Variants in KCNIP3 observed in about 807,000 individuals in gnomAD.
The protein encoded by KCNIP3 is calsenilin.
A neutral mutation model predicts 35.0 loss-of-function variants in KCNIP3; 28 were observed. The ratio of observed to expected loss-of-function variants is 0.80; its 90% CI spans 0.59 to 1.10. The LOEUF is 1.10. Among genes scored for constraint, KCNIP3 ranks in the 50% least tolerant of loss-of-function variants. The pLI is 0.00. For missense variants in KCNIP3, 295 were observed against 338.4 expected, an observed-to-expected ratio of 0.87 and a Z score of 1.01; for synonymous variants, 134 against 133.8, an observed-to-expected ratio of 1.00 and a Z score of -0.01.
At chr2:95,369,197 T>C (rs1158577981) in intron 2 of KCNIP3, among the ~76,000 whole-genome samples, 1 of 152,248 alleles carries the variant, frequency 6.6e-6, no homozygotes, top group Non-Finnish European at 1.5e-5. Flanking sequence ...CAAATGCTTT[T>C]TCTGCATCAA....
intron 2 of KCNIP3, among the ~76,000 whole-genome samples, chr2:95,366,489 C>T (rs1433375368): frequency 2.0e-5 from 3 of 152,104 alleles, no homozygotes; most frequent in Non-Finnish European, 4.4e-5. Flanking sequence ...TAAAATTGCT[C>T]TAAACATTTG....
intron 2 of KCNIP3, among the ~76,000 whole-genome samples, chr2:95,370,367 T>C (rs1345280797): frequency 2.6e-5 from 4 of 152,268 alleles, no homozygotes; most frequent in Non-Finnish European, 5.9e-5. Context: ...GTCTAGAGCA[T>C]GCGCTTACTC....
At position 95,378,032 on chromosome 2, in the gene KCNIP3, C is replaced by T. The variant is rs1414310033; in HGVS notation, c.447+2824C>T. Among the ~76,000 whole-genome samples the T allele has an allele frequency of 6.6e-6, 1 of 152,266 alleles. No individual in the cohort carries two copies. The highest frequency in any genetic ancestry group is 2.4e-5 in the African/African-American group (1 of 41,482). On this transcript the variant is annotated intron_variant, in intron 5 of 8. Coordinates refer to ENST00000295225, the MANE Select transcript of KCNIP3 (RefSeq NM_013434.5). The surrounding 1 kb of genome is among the most constrained non-coding windows in gnomAD (Gnocchi z 4.0). Reference sequence around the variant, plus strand: ...GTCTGACCCAGGGCTTCAGGGATAACTTAGAATCTTCACTACTGTGTAAAC... The same window carrying T: ...GTCTGACCCAGGGCTTCAGGGATAATTTAGAATCTTCACTACTGTGTAAAC...
intron 2 of KCNIP3, among the ~76,000 whole-genome samples, chr2:95,318,340 C>T (rs1298664454): frequency 1.3e-5 from 2 of 152,174 alleles, no homozygotes; most frequent in African/African-American, 4.8e-5. Context: ...CTCCTTCCCT[C>T]ACTGGAAACC....
At chr2:95,383,947 G>T (rs1680416905) in intron 8 of KCNIP3, 55 bp from the exon 9 acceptor site, 13 of 1,506,470 alleles carry the variant, frequency 8.6e-6, no homozygotes, top group Admixed American at 1.7e-5. Flanking sequence ...GCTCAAGGGG[G>T]TCGGATTTGG....
At chr2:95,347,227 G>C in intron 2 of KCNIP3, 2 of 994,038 alleles carry the variant, frequency 2.0e-6, no homozygotes. Context: ...GGCGAGGAGC[G>C]GCCTGGGCCG....
intron 2 of KCNIP3, among the ~76,000 whole-genome samples, chr2:95,334,171 C>T (rs1478973830): frequency 2.6e-5 from 4 of 152,212 alleles, no homozygotes; most frequent in Non-Finnish European, 5.9e-5. Flanking sequence ...GTGAGTGGGG[C>T]GAGTGCCAGG....
chr2:95,352,400 G>GGCGGGA (rs1209232748), intron 2 of KCNIP3, among the ~76,000 whole-genome samples: 1 of 152,120 alleles, frequency 6.6e-6, no homozygotes, highest in African/African-American at 2.4e-5. Context: ...GGGGAGGAAG[G>GGCGGGA]GTAGCTGGGG....
intron 2 of KCNIP3, among the ~76,000 whole-genome samples, chr2:95,351,424 G>T (rs2104273063): frequency 6.6e-6 from 1 of 152,348 alleles, no homozygotes; most frequent in East Asian, 1.9e-4. Context: ...AGTTCCAGAT[G>T]CATTTCCCGG....
intron 2 of KCNIP3, among the ~76,000 whole-genome samples, chr2:95,329,757 G>A (rs1306925095): frequency 1.3e-5 from 2 of 152,368 alleles, no homozygotes; most frequent in African/African-American, 2.4e-5. Flanking sequence ...CAATTAAGCC[G>A]AGTAAATATT....
chr2:95,318,292 C>T (rs1341210869), intron 2 of KCNIP3, among the ~76,000 whole-genome samples: 4 of 152,172 alleles, frequency 2.6e-5, no homozygotes, highest in African/African-American at 9.7e-5. Flanking sequence ...CAGTCCTCCT[C>T]CTGTGCACAC....
chr2:95,304,170 C>A (rs1286495403), intron 1 of KCNIP3, among the ~76,000 whole-genome samples: 1 of 152,216 alleles, frequency 6.6e-6, no homozygotes. Context: ...ACATACACTT[C>A]CTGCCTTTAC....
chr2:95,374,501 A>G (rs766797501), intron 3 of KCNIP3, 81 bp downstream of exon 3: 47 of 1,530,654 alleles, frequency 3.1e-5, no homozygotes, highest in Non-Finnish European at 3.8e-5. Context: ...TGCCACAGTA[A>G]ATATCCCAGG....
intron 2 of KCNIP3, chr2:95,347,097 C>T: frequency 1.9e-6 from 3 of 1,611,530 alleles, no homozygotes; most frequent in Middle Eastern, 1.7e-4. Context: ...AGCAGTTCGG[C>T]ATCCTGGAGC....
chr2:95,348,379 G>A (rs1358704701), intron 2 of KCNIP3, among the ~76,000 whole-genome samples: 1 of 152,200 alleles, frequency 6.6e-6, no homozygotes, highest in Non-Finnish European at 1.5e-5. Context: ...GTGCCTCAGA[G>A]GACCGTGCCT....
At chr2:95,307,595 C>T (rs922235707) in intron 1 of KCNIP3, among the ~76,000 whole-genome samples, 1 of 152,244 alleles carries the variant, frequency 6.6e-6, no homozygotes, top group East Asian at 1.9e-4. Context: ...CTCACCCAGC[C>T]TTCCCGGGAG....
At chr2:95,310,599 A>T in intron 2 of KCNIP3, 79 bp downstream of exon 2, 1 of 1,550,008 alleles carries the variant, frequency 6.5e-7, no homozygotes, top group South Asian at 1.1e-5. Flanking sequence ...GAGGGCTCAA[A>T]GGCCAGCCTG....
chr2:95,350,063 G>T (rs1465084095), intron 2 of KCNIP3, among the ~76,000 whole-genome samples: 1 of 152,188 alleles, frequency 6.6e-6, no homozygotes, highest in South Asian at 2.1e-4. Context: ...CTGGAGTGCT[G>T]AAATACGGTT....
At chr2:95,379,751 C>T (rs1403233296) in intron 5 of KCNIP3, among the ~76,000 whole-genome samples, 6 of 152,226 alleles carry the variant, frequency 3.9e-5, no homozygotes, top group Non-Finnish European at 5.9e-5. Context: ...CTGCCTCAGG[C>T]GCTGCTGCAG....
Sources: gnomAD v4.1 joint callset for allele counts (sites outside exome capture counted in the v4.1 genomes callset) on GRCh38, gnomAD v4.1.1 for gene constraint, Gnocchi (gnomAD v3.1) non-coding constraint, MANE v1.5 for transcripts, NCBI Gene and HGNC (gene_info 2026-07-23, HGNC 2026-07-21) for gene names.